IFITM10: variants seen among roughly 807,000 people sequenced by gnomAD.
The protein encoded by IFITM10 is interferon-induced transmembrane protein 10.
In IFITM10, 17 loss-of-function variants were observed where a neutral mutation model predicts 19.0. The ratio of observed to expected loss-of-function variants is 0.90; its 90% CI spans 0.61 to 1.34. The LOEUF is 1.34. IFITM10 is among the 40% of genes most tolerant of loss of function. The pLI, the probability that IFITM10 is intolerant of heterozygous loss-of-function variation, is 0.00. For synonymous variants in IFITM10, 148 were observed against 147.2 expected, an observed-to-expected ratio of 1.01 and a Z score of -0.04; for missense variants, 306 against 319.8, an observed-to-expected ratio of 0.96 and a Z score of 0.33.
chr11:1,747,513 TC>T (rs1199864426), intron 2 of IFITM10, among the ~76,000 whole-genome samples, 153 bp downstream of exon 2: 1 of 152,140 alleles, frequency 6.6e-6, no homozygotes. Context: ...TCAGGACCCC[TC>T]ACTGTCCTTT....
chr11:1,737,030 C>T (rs188780383), intron 2 of IFITM10, among the ~76,000 whole-genome samples: 1 of 152,280 alleles, frequency 6.6e-6, no homozygotes, highest in Non-Finnish European at 1.5e-5. Context: ...AAAGTCTATG[C>T]TCTTATCGGG....
chr11:1,735,178 A>AGCCCT lies in IFITM10; in HGVS notation c.*97_*101dup, dbSNP rs951574786. 2 of 1,316,724 alleles carry AGCCCT rather than the reference A, an allele frequency of 1.5e-6. No individual in the cohort carries two copies. The highest frequency in any genetic ancestry group is 1.5e-5 in the African/African-American group (1 of 67,544). The allele number at this position is 1,316,724 out of a possible 1,614,324, so 81.6% of individuals were successfully genotyped here. A position where few individuals can be genotyped will look rare whatever the true frequency, so the allele number is the denominator to read the frequency against. ...AGCTCAAGGGGGCCCCAGGACAAGAAGCCCTGCCCTGCCCCAACCTCATGG... is the reference window on the plus strand; with the variant it reads ...AGCTCAAGGGGGCCCCAGGACAAGAAGCCCTGCCCTGCCCTGCCCCAACCTCATGG... On this transcript the variant is annotated 3_prime_UTR_variant, in exon 3 of 3. Transcript: ENST00000340134.
At chr11:1,749,475 C>T (rs1446686877) in intron 1 of IFITM10, among the ~76,000 whole-genome samples, 1 of 138,846 alleles carries the variant, frequency 7.2e-6, no homozygotes, top group Non-Finnish European at 1.5e-5. Context: ...GAAGACTGGA[C>T]GCTCCCGGAA....
intron 1 of IFITM10, chr11:1,749,218 C>T: frequency 2.2e-6 from 1 of 463,218 alleles, no homozygotes; most frequent in Non-Finnish European, 2.8e-6. Flanking sequence ...ACCGGCCGCG[C>T]GGCTGCAGCC....
Position 1,747,823 on chromosome 11 carries a change from G to C in IFITM10, c.381C>G (p.His127Gln), listed in dbSNP as rs1262657607. ...TGGTCATCGTCTTCTTCTCGGCTAGGTGCTTGCAGGCAGGGGGCGCGCCGG... is the reference window on the plus strand; with the variant it reads ...TGGTCATCGTCTTCTTCTCGGCTAGCTGCTTGCAGGCAGGGGGCGCGCCGG... ...RAAGAPPACK[H>Q]LAEKKTMTNP... Residue 127 changes from histidine to glutamine, a missense_variant, in exon 2 of 3, where the codon CAC becomes CAG. Transcript: ENST00000340134. 16 of 1,549,362 alleles carry C rather than the reference G, an allele frequency of 1.0e-5. No homozygotes were observed. In the East Asian group the frequency reaches 3.4e-4, roughly 33 times the overall value.
intron 2 of IFITM10, among the ~76,000 whole-genome samples, chr11:1,739,077 A>G (rs1851117562): frequency 6.6e-6 from 1 of 151,354 alleles, no homozygotes; most frequent in Non-Finnish European, 1.5e-5. Flanking sequence ...AAAAAAAAAA[A>G]AAAAGAATGG....
rs914497630 is a variant in IFITM10 at position 1,748,086 on chromosome 11, C to T, written c.118G>A (p.Gly40Arg). 28 of 1,409,582 alleles carry T rather than the reference C, an allele frequency of 2.0e-5. No individual in the cohort carries two copies. The Admixed American group carries it at 5.8e-4, about 29-fold the overall frequency. 87.3% of individuals were successfully genotyped at this position (1,409,582 alleles called of 1,614,324 possible). ...CCGTCCGTGGTGCTGGCCGGGTCTC[C>T]CAGCGGGGCTGGGCACTGGCCGGGG... ...QGPGQCPAPL[G>R]DPASTTDGAQ... The change falls in exon 2 of 3, where the codon GGA (glycine) becomes AGA (arginine). Residue 40 changes from glycine to arginine, a missense_variant. Transcript: ENST00000340134.
At chr11:1,745,479 T>TACAC (rs138300357) in intron 2 of IFITM10, 4 of 151,882 alleles carry the variant, frequency 2.6e-5, no homozygotes, top group Non-Finnish European at 5.9e-5. Context: ...TTGTTGCTTC[T>TACAC]ACACACACAC....
rs142956518 is a variant in IFITM10, at chr11:1,737,664, C to T, written c.538-2235G>A. On this transcript the variant is annotated intron_variant, in intron 2 of 2. Transcript: ENST00000340134. ...AAGAAGATTCCAGAGCGTTTCCAGA[C>T]AGCAGCAATGAGGACAAGCAGCTGA... 1.7e-4 allele frequency among the ~76,000 whole-genome samples: 26 copies of T among 152,306 alleles called. No homozygotes were observed. The East Asian group carries it at 4.6e-3, about 27-fold the overall frequency.
chr11:1,744,015 C>T (rs1287810107), intron 2 of IFITM10, among the ~76,000 whole-genome samples: 1 of 152,238 alleles, frequency 6.6e-6, no homozygotes, highest in Non-Finnish European at 1.5e-5. Context: ...ACTGCCCCAC[C>T]TACGTGTCTT....
At chr11:1,746,017 AC>A (rs1845641736) in intron 2 of IFITM10, 2 of 151,510 alleles carry the variant, frequency 1.3e-5, no homozygotes, top group African/African-American at 4.9e-5. Flanking sequence ...CAGACAGTAC[AC>A]AGGCACACCC....
rs114557951 is a variant in IFITM10 at position 1,738,465 on chromosome 11, C to T, written c.538-3036G>A. Among the ~76,000 whole-genome samples the T allele has an allele frequency of 7.9e-3, 1,194 of 152,084 alleles. 11 individuals are homozygous for T. The highest frequency in any genetic ancestry group is 0.027 in the African/African-American group (1,119 of 41,454). The stretch of plus-strand genomic sequence containing the variant: ...CTGGGTGGGGTAACAGGTGCATAGA[C>T]GAACATATGAATATATGTCCAAGTG... On this transcript the variant is annotated intron_variant, in intron 2 of 2. Transcript: ENST00000340134.
Position 1,735,060 on chromosome 11 carries a change from G to T in IFITM10, c.*220C>A, listed in dbSNP as rs758012087. ...CCCCCAGGCCCCAGACACAGGCAGG[G>T]TGGAGGCCAGGAGGCGGAGGGGGTG... On this transcript the variant is annotated 3_prime_UTR_variant, in exon 3 of 3. Coordinates refer to ENST00000340134, the MANE Select transcript of IFITM10 (RefSeq NM_001170820.4). The T allele has an allele frequency of 3.6e-6, 2 of 561,444 alleles. No individual in the cohort carries two copies. Among genetic ancestry groups the T allele is most frequent in the South Asian group, 4.8e-5 (2 of 41,340 alleles). 34.8% of individuals were successfully genotyped at this position (561,444 alleles called of 1,614,324 possible).
At chr11:1,742,885 TGATG>T (rs1213697242) in intron 2 of IFITM10, among the ~76,000 whole-genome samples, 5 of 151,868 alleles carry the variant, frequency 3.3e-5, no homozygotes, top group Admixed American at 6.6e-5. Flanking sequence ...GATGAACAGA[TGATG>T]GATGGATGGA....
intron 2 of IFITM10, chr11:1,745,911 TAC>T (rs1226596124): frequency 7.3e-6 from 1 of 136,962 alleles, no homozygotes; most frequent in Non-Finnish European, 1.5e-5. Flanking sequence ...ATACAGACAG[TAC>T]ACAGGCACAC....
intron 2 of IFITM10, among the ~76,000 whole-genome samples, chr11:1,737,212 TTAGTC>T (rs753573485): frequency 3.7e-4 from 56 of 152,328 alleles, no homozygotes; most frequent in Non-Finnish European, 4.7e-4. Context: ...AGACTTAGTC[TTAGTC>T]TATTTATTGT....
chr11:1,745,828 AC>A (rs1845636552), intron 2 of IFITM10: 1 of 151,734 alleles, frequency 6.6e-6, no homozygotes, highest in African/African-American at 2.4e-5. Flanking sequence ...ACACCCTCAC[AC>A]ACCCGTGCAC....
chr11:1,748,487 G>C (rs1427036347), intron 1 of IFITM10: 1 of 226,980 alleles, frequency 4.4e-6, no homozygotes, highest in Non-Finnish European at 8.6e-6. Context: ...ACGGGGCGCC[G>C]GACCCACAGC....
chr11:1,747,778 C>A lies in IFITM10; in HGVS notation c.426G>T (p.Glu142Asp). The A allele has an allele frequency of 6.4e-7, 1 of 1,551,662 alleles. No homozygotes were observed. Among genetic ancestry groups the A allele is most frequent in the Non-Finnish European group, 8.7e-7 (1 of 1,146,860 alleles). Residue 142 changes from glutamate (E) to aspartate (D), a missense_variant, in exon 2 of 3, where the codon GAG becomes GAT. Glu to Asp is a conservative substitution (Grantham distance 45). Transcript: ENST00000340134. ...KTMTNPTTVI[E>D]VYPDTTEVND... ...TCACCTCGGTGGTGTCCGGGTAGACCTCGATGACGGTCGTGGGGTTGGTCA... is the reference window on the plus strand; with the variant it reads ...TCACCTCGGTGGTGTCCGGGTAGACATCGATGACGGTCGTGGGGTTGGTCA...
Sources: gnomAD v4.1 joint callset for allele counts (sites outside exome capture counted in the v4.1 genomes callset) on GRCh38, gnomAD v4.1.1 for gene constraint, MANE v1.5 for transcripts, NCBI Gene and HGNC (gene_info 2026-07-23, HGNC 2026-07-21) for gene names.